The following LRP1B variants were observed in gnomAD, a reference collection of about 807,000 sequenced individuals.
LRP1B encodes low-density lipoprotein receptor-related protein 1B.
LRP1B carries 217 observed loss-of-function variants against 556.6 expected under a neutral mutation model. The observed-to-expected ratio is 0.39, with a 90% confidence interval of 0.35 to 0.44. The LOEUF is 0.44. LRP1B is among the 20% of genes least tolerant of loss of function. The probability of loss-of-function intolerance (pLI) is 1.00; values close to 1 mark genes in which losing one functional copy is unlikely to be tolerated. For missense variants in LRP1B, 5,053 were observed against 5,620.8 expected (o/e 0.90, Z 3.23); for synonymous variants, 2,047 against 1,865.8 (o/e 1.10, Z -2.50).
chr2:140,830,085 G>C (rs913251458), intron 31 of LRP1B, among the ~76,000 whole-genome samples: 2 of 151,756 alleles, frequency 1.3e-5, no homozygotes, highest in African/African-American at 4.8e-5. Flanking sequence ...AAACAGACCA[G>C]TAATGAGTAA....
At chr2:141,459,709 T>C (rs1257074907) in intron 3 of LRP1B, among the ~76,000 whole-genome samples, 1 of 152,046 alleles carries the variant, frequency 6.6e-6, no homozygotes, top group East Asian at 1.9e-4. Flanking sequence ...TTCCCTTCTG[T>C]TTTTTGCCAC....
intron 35 of LRP1B, among the ~76,000 whole-genome samples, chr2:140,730,047 G>T (rs1034275239): frequency 1.3e-5 from 2 of 152,064 alleles, no homozygotes; most frequent in Admixed American, 6.5e-5. Flanking sequence ...TTCTTCGTCC[G>T]TATTCACCTA....
intron 66 of LRP1B, among the ~76,000 whole-genome samples, chr2:140,423,258 A>G (rs1685522010): frequency 6.6e-6 from 1 of 152,188 alleles, no homozygotes; most frequent in Non-Finnish European, 1.5e-5. Context: ...TTTCAGTGCC[A>G]ATCAATACAG....
At chr2:140,791,038 G>C (rs1690101889) in intron 32 of LRP1B, among the ~76,000 whole-genome samples, 1 of 151,700 alleles carries the variant, frequency 6.6e-6, no homozygotes. Context: ...GGTGGATCCT[G>C]AGGTCAAGAG....
chr2:140,962,526 C>T (rs560095106), intron 18 of LRP1B, among the ~76,000 whole-genome samples: 1 of 152,264 alleles, frequency 6.6e-6, no homozygotes, highest in East Asian at 1.9e-4. Context: ...AGTGTTTAAG[C>T]TACGGTGTTC....
At chr2:141,756,366 A>C (rs925070745) in intron 2 of LRP1B, among the ~76,000 whole-genome samples, 1 of 152,146 alleles carries the variant, frequency 6.6e-6, no homozygotes, top group Non-Finnish European at 1.5e-5. Context: ...AGCACCATGC[A>C]ATTGAAAAAT....
chr2:141,165,907 T>C (rs1473296829), intron 7 of LRP1B, among the ~76,000 whole-genome samples: 4 of 152,056 alleles, frequency 2.6e-5, no homozygotes, highest in African/African-American at 4.8e-5. Flanking sequence ...TCTTAAGCCA[T>C]AGCTATTTCC....
intron 3 of LRP1B, among the ~76,000 whole-genome samples, chr2:141,332,048 G>A (rs1312988877): frequency 1.3e-5 from 2 of 151,682 alleles, no homozygotes; most frequent in African/African-American, 4.8e-5. Flanking sequence ...ACTTCTATAT[G>A]CTTTTAGCAT....
intron 35 of LRP1B, among the ~76,000 whole-genome samples, chr2:140,762,343 C>T (rs186969814): frequency 7.9e-5 from 12 of 152,176 alleles, no homozygotes; most frequent in African/African-American, 2.9e-4. Context: ...TCCTGAAACC[C>T]AGTTTAATAT....
chr2:140,567,617 C>G (rs1681173671), intron 43 of LRP1B, among the ~76,000 whole-genome samples: 2 of 152,110 alleles, frequency 1.3e-5, no homozygotes, highest in South Asian at 4.1e-4. Context: ...ACCTCATGAC[C>G]CAGGTGCCAA....
chr2:141,031,368 C>A (rs1698366703), intron 11 of LRP1B, among the ~76,000 whole-genome samples: 1 of 151,138 alleles, frequency 6.6e-6, no homozygotes, highest in Non-Finnish European at 1.5e-5. Flanking sequence ...TACTTAGTTA[C>A]CTCAGATGGA....
chr2:141,040,983 C>G (rs1698681058), intron 11 of LRP1B, among the ~76,000 whole-genome samples: 1 of 152,096 alleles, frequency 6.6e-6, no homozygotes, highest in Non-Finnish European at 1.5e-5. Context: ...TACCTTGGAT[C>G]ATGTCAAACT....
chr2:141,097,926 G>A (rs769230446), intron 7 of LRP1B, among the ~76,000 whole-genome samples: 8 of 152,128 alleles, frequency 5.3e-5, no homozygotes, highest in Non-Finnish European at 8.8e-5. Flanking sequence ...TCAATGAATG[G>A]TAGTTGCCAT....
intron 23 of LRP1B, among the ~76,000 whole-genome samples, chr2:140,896,408 A>G (rs1693954544): frequency 6.6e-6 from 1 of 152,184 alleles, no homozygotes; most frequent in South Asian, 2.1e-4. Flanking sequence ...AGAGAAGGGA[A>G]GAGTGTAGAG....
At position 140,524,136 on chromosome 2, in the gene LRP1B, A is replaced by C. The variant is rs897426626; in HGVS notation, c.8026+1708T>G. 9.9e-5 allele frequency among the ~76,000 whole-genome samples: 15 copies of C among 151,478 alleles called. 1 individual carries two copies. The highest frequency in any genetic ancestry group is 2.0e-4 in the Admixed American group (3 of 15,144). ...AATAAATCAATAAGAAATAAAAAAA[A>C]CAAATAACCCCATTAAAAATGGGTC... On this transcript the variant is annotated intron_variant, in intron 49 of 90. Transcript: ENST00000389484.
At chr2:140,433,455 T>G (rs1450222734) in intron 66 of LRP1B, among the ~76,000 whole-genome samples, 1 of 152,188 alleles carries the variant, frequency 6.6e-6, no homozygotes, top group African/African-American at 2.4e-5. Flanking sequence ...TTTCTAATAT[T>G]TAAAAATAAA....
At chr2:140,588,922 G>C (rs1042521658) in intron 43 of LRP1B, among the ~76,000 whole-genome samples, 1 of 140,328 alleles carries the variant, frequency 7.1e-6, no homozygotes, top group Non-Finnish European at 1.5e-5. Context: ...ACTGCACCAC[G>C]CACTCCATCC....
chr2:140,375,902 C>T (rs898321213), intron 68 of LRP1B, among the ~76,000 whole-genome samples: 1 of 152,044 alleles, frequency 6.6e-6, no homozygotes, highest in South Asian at 2.1e-4. Flanking sequence ...TATTAACAAG[C>T]TAATCATATT....
intron 43 of LRP1B, among the ~76,000 whole-genome samples, chr2:140,582,994 A>G (rs1681832873): frequency 6.6e-6 from 1 of 152,042 alleles, no homozygotes; most frequent in Non-Finnish European, 1.5e-5. Context: ...AATAAATACT[A>G]GGGTACTTTA....
Sources: allele counts gnomAD v4.1 joint callset (sites outside exome capture counted in the v4.1 genomes callset), GRCh38; gene constraint gnomAD v4.1.1; transcripts MANE v1.5; gene names NCBI Gene and HGNC (gene_info 2026-07-23, HGNC 2026-07-21).